Variants in PDZD8 observed in about 807,000 individuals in gnomAD.
PDZD8 encodes the protein PDZ domain containing 8, also known as PDZ domain-containing protein 8.
A neutral mutation model predicts 85.8 loss-of-function variants in PDZD8; 14 were observed. That is an observed-to-expected ratio of 0.16 (90% CI 0.11 to 0.26). PDZD8 has a LOEUF of 0.26. Among genes scored for constraint, PDZD8 ranks in the 10% least tolerant of loss-of-function variants. PDZD8 has a pLI of 1.00. For synonymous variants in PDZD8, 592 were observed against 568.6 expected, an observed-to-expected ratio of 1.04 and a Z score of -0.59; for missense variants, 1,197 against 1,424.3, an observed-to-expected ratio of 0.84 and a Z score of 2.57.
chr10:117,325,480 A>T (rs1589567245), intron 2 of PDZD8, among the ~76,000 whole-genome samples: 1 of 134,728 alleles, frequency 7.4e-6, no homozygotes, highest in Middle Eastern at 5.5e-3. Flanking sequence ...TCAGCTCACT[A>T]CAACCTCCAC....
chr10:117,283,403 G>T lies in PDZD8; in HGVS notation c.3330C>A (p.Asp1110Glu). 6.2e-7 allele frequency: 1 copy of T among 1,614,060 alleles called. No homozygotes were observed. ...ACTTGCTTATTTTTTTGGAGTGCTGGTCTAAAGACAGACTTTCTAAAGTTT... is the reference window on the plus strand; with the variant it reads ...ACTTGCTTATTTTTTTGGAGTGCTGTTCTAAAGACAGACTTTCTAAAGTTT... Reference protein sequence around the residue: ...DIETLESLSLDQHSKKISKYT... With the variant: ...DIETLESLSLEQHSKKISKYT... The change falls in exon 5 of 5, where the codon GAC (aspartate) becomes GAA (glutamate). Residue 1110 changes from aspartate to glutamate, a missense_variant. Physicochemically the swap from Asp to Glu is conservative, Grantham distance 45. Around this residue, in one of 4 missense-constraint regions of PDZD8, gnomAD observed 418 missense variants for 571.1 expected, o/e 0.73. Coordinates refer to ENST00000334464, the MANE Select transcript of PDZD8 (RefSeq NM_173791.5).
At chr10:117,363,744 C>G (rs1218990326) in intron 1 of PDZD8, among the ~76,000 whole-genome samples, 1 of 152,100 alleles carries the variant, frequency 6.6e-6, no homozygotes, top group African/African-American at 2.4e-5. Context: ...GCTTTTCTAT[C>G]AAAGTTATGC....
At chr10:117,319,275 A>G (rs1399906625) in intron 2 of PDZD8, among the ~76,000 whole-genome samples, 1 of 152,086 alleles carries the variant, frequency 6.6e-6, no homozygotes, top group African/African-American at 2.4e-5. Flanking sequence ...AGCAAGAGCT[A>G]TACATCTTCA....
rs71013659 is a variant in PDZD8 at position 117,325,404 on chromosome 10, C to CTTTTTTTTTTTTTT, written c.996-6444_996-6431dup. On this transcript the variant is annotated intron_variant, in intron 2 of 4. Coordinates refer to ENST00000334464, the MANE Select transcript of PDZD8 (RefSeq NM_173791.5). ...CTATCAAAAGTTCCAGAAAAGCCAA[C>CTTTTTTTTTTTTTT]TTTTTTTTTTTTTTTTGAGACAGAG... Among the ~76,000 whole-genome samples the CTTTTTTTTTTTTTT allele has an allele frequency of 2.2e-3, 217 of 99,820 alleles. 17 individuals carry two copies. The highest frequency in any genetic ancestry group is 2.2e-3 in the Non-Finnish European group (113 of 51,762). 65.5% of individuals were successfully genotyped at this position (99,820 alleles called of 152,430 possible).
chr10:117,360,197 A>G (rs528376167), intron 1 of PDZD8, among the ~76,000 whole-genome samples: 1 of 152,306 alleles, frequency 6.6e-6, no homozygotes, highest in African/African-American at 2.4e-5. Context: ...CTGGTGACTA[A>G]AAGATGAGTC....
intron 3 of PDZD8, chr10:117,314,164 C>G (rs984937759): frequency 1.3e-5 from 2 of 152,022 alleles, no homozygotes; most frequent in African/African-American, 4.8e-5. Flanking sequence ...TGTTTCTTAC[C>G]CTGGCAGTAG....
At chr10:117,369,764 G>A (rs1421292131) in intron 1 of PDZD8, among the ~76,000 whole-genome samples, 1 of 152,150 alleles carries the variant, frequency 6.6e-6, no homozygotes, top group African/African-American at 2.4e-5. Flanking sequence ...TCTCCATCCT[G>A]TTGTTGCTCT....
chr10:117,296,185 C>A (rs536380527), intron 3 of PDZD8, among the ~76,000 whole-genome samples: 3 of 60,088 alleles, frequency 5.0e-5, no homozygotes, highest in Non-Finnish European at 1.6e-4. Flanking sequence ...AAAATTATTA[C>A]AATTAAAATT....
chr10:117,289,092 G>A lies in PDZD8; in HGVS notation c.1261+1094C>T, dbSNP rs896962428. Among the ~76,000 whole-genome samples the A allele has an allele frequency of 5.9e-5, 9 of 152,148 alleles. 1 individual carries two copies. The highest frequency in any genetic ancestry group is 5.9e-4 in the Admixed American group (9 of 15,270). ...CATTTGGGAGGAGTCTGTGAGAAAT[G>A]AAGAATCTTGGGCCTCACTACAGGT... is the stretch of plus-strand genomic sequence containing the variant. On this transcript the variant is annotated intron_variant, in intron 4 of 4. Coordinates refer to ENST00000334464, the MANE Select transcript of PDZD8 (RefSeq NM_173791.5).
At chr10:117,319,262 A>G (rs1313613505) in intron 2 of PDZD8, among the ~76,000 whole-genome samples, 1 of 152,124 alleles carries the variant, frequency 6.6e-6, no homozygotes, top group Non-Finnish European at 1.5e-5. Flanking sequence ...ATGTACATGT[A>G]GCAGCAAGAG....
At chr10:117,327,713 A>G (rs1212741245) in intron 2 of PDZD8, among the ~76,000 whole-genome samples, 1 of 152,222 alleles carries the variant, frequency 6.6e-6, no homozygotes, top group Admixed American at 6.5e-5. Context: ...GACAGGTGTT[A>G]GGGTACACAT....
intron 2 of PDZD8, 92 bp from the exon 3 acceptor site, chr10:117,319,066 T>A: frequency 1.3e-6 from 1 of 795,674 alleles, no homozygotes; most frequent in Non-Finnish European, 2.1e-6. Flanking sequence ...AACAACACAT[T>A]ACTCCATTAC....
chr10:117,333,589 C>G (rs1439655686), intron 2 of PDZD8, among the ~76,000 whole-genome samples: 1 of 152,156 alleles, frequency 6.6e-6, no homozygotes, highest in South Asian at 2.1e-4. Flanking sequence ...AAACTCAATG[C>G]TAACATAAAC....
rs771156743 is a variant in PDZD8 at position 117,283,682 on chromosome 10, T to G, written c.3051A>C (p.Lys1017Asn). The change falls in exon 5 of 5, where the codon AAA becomes AAC. Residue 1017 changes from lysine to asparagine, a missense_variant. Lys to Asn is a moderately conservative substitution (Grantham distance 94). Transcript: ENST00000334464. ...GLDDSVFIAV[K>N]EIGRDLYRGL... ...CCCTGTACAGATCACGACCAATTTC[T>G]TTAACTGCAATGAAAACACTGTCAT... The G allele has an allele frequency of 6.2e-7, 1 of 1,614,218 alleles. No homozygotes were observed. Among genetic ancestry groups the G allele is most frequent in the Non-Finnish European group, 8.5e-7 (1 of 1,180,036 alleles).
chr10:117,310,133 T>C (rs956722608), intron 3 of PDZD8, among the ~76,000 whole-genome samples: 1 of 152,202 alleles, frequency 6.6e-6, no homozygotes, highest in African/African-American at 2.4e-5. Flanking sequence ...ATCTCAAAGA[T>C]ACTCAAATAG....
At chr10:117,311,863 G>C (rs1844042984) in intron 3 of PDZD8, among the ~76,000 whole-genome samples, 1 of 151,470 alleles carries the variant, frequency 6.6e-6, no homozygotes, top group Non-Finnish European at 1.5e-5. Flanking sequence ...TATTAGTAGA[G>C]GCCAGAGGCT....
chr10:117,331,454 G>A (rs1368846593), intron 2 of PDZD8, among the ~76,000 whole-genome samples: 1 of 152,100 alleles, frequency 6.6e-6, no homozygotes, highest in Non-Finnish European at 1.5e-5. Context: ...TATAAGTTGA[G>A]ACAAATGGGT....
At chr10:117,364,097 A>C (rs1426596041) in intron 1 of PDZD8, among the ~76,000 whole-genome samples, 1 of 152,106 alleles carries the variant, frequency 6.6e-6, no homozygotes, top group Non-Finnish European at 1.5e-5. Flanking sequence ...GAATGGGAGA[A>C]GGATACTGTG....
chr10:117,306,473 C>T (rs761010510), intron 3 of PDZD8, among the ~76,000 whole-genome samples: 2 of 152,066 alleles, frequency 1.3e-5, no homozygotes, highest in African/African-American at 2.4e-5. Context: ...ATGCAAAGGC[C>T]GAGGTTGTCA....
Sources: allele counts gnomAD v4.1 joint callset (sites outside exome capture counted in the v4.1 genomes callset), GRCh38; gene constraint gnomAD v4.1.1; regional missense constraint gnomAD v4.1.1; transcripts MANE v1.5; gene names NCBI Gene and HGNC (gene_info 2026-07-23, HGNC 2026-07-21).